The following DIPK1C variants were observed in gnomAD, a reference collection of about 807,000 sequenced individuals.
The protein encoded by DIPK1C is familial non-conventional Alzheimer's dementia.
Under a neutral mutation model 28.0 loss-of-function variants are expected in DIPK1C, and 33 were observed. That is an observed-to-expected ratio of 1.18 (90% CI 0.89 to 1.58). The LOEUF is 1.58. Ranked by LOEUF, DIPK1C falls within the 40% of genes most tolerant of loss-of-function variation. The probability of loss-of-function intolerance (pLI) is 0.00; values close to 1 mark genes in which losing one functional copy is unlikely to be tolerated. For missense variants in DIPK1C, 569 were observed against 568.5 expected, an observed-to-expected ratio of 1.00 and a Z score of -0.01; for synonymous variants, 255 against 248.8, an observed-to-expected ratio of 1.02 and a Z score of -0.23.
intron 2 of DIPK1C, among the ~76,000 whole-genome samples, chr18:74,444,799 G>T (rs1195737962): frequency 2.0e-5 from 3 of 152,160 alleles, no homozygotes; most frequent in Admixed American, 2.0e-4. Context: ...CCTGAGCGGT[G>T]CAGCACCAGC....
At chr18:74,457,312 C>T, upstream of DIPK1C, 2 of 975,820 alleles carry the variant, frequency 2.0e-6, no homozygotes, top group Non-Finnish European at 2.4e-6. Flanking sequence ...CCGAGTTCCG[C>T]ACTCGCGTAG....
At chr18:74,464,074 C>G in the DIPK1C span, among the ~76,000 whole-genome samples, 2 of 152,202 alleles carry the variant, frequency 1.3e-5, no homozygotes, top group Non-Finnish European at 2.9e-5. Context: ...TCAGCACCAT[C>G]TCCCTCACCC....
At chr18:74,451,979 T>C (rs536688213) in intron 1 of DIPK1C, among the ~76,000 whole-genome samples, 7 of 152,182 alleles carry the variant, frequency 4.6e-5, no homozygotes, top group Non-Finnish European at 1.0e-4. Flanking sequence ...TTAAACATGC[T>C]CAGAACACTT....
rs751571074 is a variant in DIPK1C, at chr18:74,446,668, A to G, written c.814T>C (p.Ser272Pro). The G allele has an allele frequency of 6.6e-7, 1 of 1,511,336 alleles. No homozygotes were observed. Among genetic ancestry groups the G allele is most frequent in the South Asian group, 1.3e-5 (1 of 77,660 alleles). 93.6% of individuals were successfully genotyped at this position (1,511,336 alleles called of 1,614,324 possible). Residue 272 changes from serine (S) to proline (P), a missense_variant, in exon 2 of 4, where the codon TCC becomes CCC. Coordinates refer to ENST00000343998, the MANE Select transcript of DIPK1C (RefSeq NM_001044369.3). ...DMVNHFDSDF[S>P]HRLHLCDIKP... ...ATGTCGCAGAGGTGGAGGCGGTGGG[A>G]AAAGTCACTGTCAAAATGGTTCACC...
upstream of DIPK1C, among the ~76,000 whole-genome samples, chr18:74,462,215 C>A (rs913278108): frequency 9.9e-5 from 15 of 152,204 alleles, no homozygotes; most frequent in African/African-American, 3.6e-4. Context: ...CTCTATCATC[C>A]AGGAAGCTCC....
chr18:74,462,746 T>C (rs529470412), upstream of DIPK1C, among the ~76,000 whole-genome samples: 1 of 152,268 alleles, frequency 6.6e-6, no homozygotes, highest in South Asian at 2.1e-4. Flanking sequence ...GTCTAAGGAT[T>C]CCAGTTTCTC....
chr18:74,461,953 A>T (rs1484790921), upstream of DIPK1C, among the ~76,000 whole-genome samples: 1 of 146,820 alleles, frequency 6.8e-6, no homozygotes, highest in Non-Finnish European at 1.5e-5. Context: ...GTAGAGATGG[A>T]GTCTTGCTAT....
chr18:74,455,674 G>T (rs1326402031), intron 1 of DIPK1C, among the ~76,000 whole-genome samples: 1 of 143,700 alleles, frequency 7.0e-6, no homozygotes, highest in Non-Finnish European at 1.5e-5. Flanking sequence ...GTTGCGGTGA[G>T]CCGAGATCAC....
chr18:74,449,659 C>T (rs1260435544), intron 1 of DIPK1C, among the ~76,000 whole-genome samples: 16 of 152,184 alleles, frequency 1.1e-4, no homozygotes, highest in South Asian at 8.3e-4. Flanking sequence ...ATGATGCACG[C>T]GAGACAGGCC....
At chr18:74,452,029 C>G (rs1986408680) in intron 1 of DIPK1C, among the ~76,000 whole-genome samples, 2 of 152,126 alleles carry the variant, frequency 1.3e-5, no homozygotes, top group Non-Finnish European at 2.9e-5. Context: ...TCATACAAAG[C>G]CTATGTAAAA....
chr18:74,439,467 T>C (rs945377215), intron 3 of DIPK1C, among the ~76,000 whole-genome samples: 2 of 152,198 alleles, frequency 1.3e-5, no homozygotes, highest in Admixed American at 6.5e-5. Context: ...TTCCATTTCA[T>C]TGATTTGTAA....
At chr18:74,455,724 A>AT (rs1986493728) in intron 1 of DIPK1C, among the ~76,000 whole-genome samples, 1 of 96,196 alleles carries the variant, frequency 1.0e-5, no homozygotes, top group African/African-American at 4.3e-5. Context: ...GCAAAACTCC[A>AT]TAAAAAAAAA....
upstream of DIPK1C, among the ~76,000 whole-genome samples, chr18:74,460,051 T>G (rs932552271): frequency 2.0e-5 from 3 of 152,130 alleles, no homozygotes; most frequent in African/African-American, 4.8e-5. Context: ...GAAGCTTTAT[T>G]TGGGCTGAGA....
the DIPK1C span, among the ~76,000 whole-genome samples, chr18:74,463,123 T>A: frequency 6.6e-6 from 1 of 152,178 alleles, no homozygotes; most frequent in African/African-American, 2.4e-5. Flanking sequence ...CCATGGGGAT[T>A]CCAGCTCCCG....
chr18:74,457,473 C>T (rs2144535365), upstream of DIPK1C, among the ~76,000 whole-genome samples: 1 of 152,148 alleles, frequency 6.6e-6, no homozygotes, highest in African/African-American at 2.4e-5. Context: ...CACTGGGGGT[C>T]CACTCGCCGC....
At chr18:74,463,198 G>A in the DIPK1C span, among the ~76,000 whole-genome samples, 1 of 152,164 alleles carries the variant, frequency 6.6e-6, no homozygotes, top group Non-Finnish European at 1.5e-5. Flanking sequence ...TGAAGGCCTG[G>A]GAAGTGGAAA....
chr18:74,451,644 T>C (rs564082961), intron 1 of DIPK1C, among the ~76,000 whole-genome samples: 2 of 152,374 alleles, frequency 1.3e-5, no homozygotes, highest in South Asian at 4.1e-4. Context: ...TCATTTTGGC[T>C]GTTTTTCTGA....
chr18:74,442,503 GTATTTT>G (rs555932815), intron 2 of DIPK1C, among the ~76,000 whole-genome samples: 2,397 of 152,030 alleles, frequency 0.016, 54 homozygotes, highest in African/African-American at 0.053. Context: ...TAATTTTTTT[GTATTTT>G]TAGTAGAGAC....
At chr18:74,457,425 C>A (rs1039731118), upstream of DIPK1C, among the ~76,000 whole-genome samples, 2 of 151,638 alleles carry the variant, frequency 1.3e-5, no homozygotes, top group Non-Finnish European at 3.0e-5. Context: ...GCGGGGAGGG[C>A]GTCCAGCAGC....
Sources: gnomAD v4.1 joint callset for allele counts (sites outside exome capture counted in the v4.1 genomes callset) on GRCh38, gnomAD v4.1.1 for gene constraint, MANE v1.5 for transcripts, NCBI Gene and HGNC (gene_info 2026-07-23, HGNC 2026-07-21) for gene names.